Variants in PAX8 observed in about 807,000 individuals in gnomAD.
PAX8 encodes the protein paired box protein Pax-8.
In PAX8, 15 loss-of-function variants were observed where a neutral mutation model predicts 52.4. The ratio of observed to expected loss-of-function variants is 0.29; its 90% confidence interval spans 0.19 to 0.44. The LOEUF is 0.44. PAX8 is among the 20% of genes least tolerant of loss of function. The pLI is 1.00. For missense variants in PAX8, 554 were observed against 602.5 expected (o/e 0.92, Z 0.84); for synonymous variants, 284 against 249.7 (o/e 1.14, Z -1.29).
chr2:113,220,692 C>T (rs558582025), intron 10 of PAX8, among the ~76,000 whole-genome samples: 219 of 152,032 alleles, frequency 1.4e-3, no homozygotes, highest in Middle Eastern at 3.4e-3. Flanking sequence ...CTTTTAGCCT[C>T]GCTAGGTATG....
chr2:113,258,510 T>C (rs1372393905), intron 2 of PAX8, among the ~76,000 whole-genome samples: 2 of 152,122 alleles, frequency 1.3e-5, no homozygotes, highest in Non-Finnish European at 2.9e-5. Context: ...TTCCCTTCTC[T>C]CTCCCTCCCT....
intron 2 of PAX8, chr2:113,275,573 G>C (rs1446245): frequency 6.6e-6 from 1 of 152,012 alleles, no homozygotes; most frequent in Non-Finnish European, 1.5e-5. Flanking sequence ...AACTATTTTC[G>C]GGACTGGTGG....
chr2:113,218,276 C>T lies in PAX8; in HGVS notation c.*257G>A. ...GGCTACATTTCTTCTTCAATTTTGT[C>T]TTTTTCAGCATGGCATGGTTCTCTT... On this transcript the variant is annotated 3_prime_UTR_variant, in exon 12 of 12. Transcript: ENST00000429538. The T allele has an allele frequency of 2.6e-6, 1 of 387,220 alleles. No homozygotes were observed. The highest frequency in any genetic ancestry group is 4.4e-5 in the Admixed American group (1 of 22,594). 24.0% of individuals were successfully genotyped at this position (387,220 alleles called of 1,614,324 possible).
intron 10 of PAX8, among the ~76,000 whole-genome samples, chr2:113,221,084 C>A (rs1021369324): frequency 1.3e-5 from 2 of 152,100 alleles, no homozygotes; most frequent in African/African-American, 4.8e-5. Flanking sequence ...TCAAGACTAC[C>A]CCATGAGGTA....
At chr2:113,249,421 A>G (rs1691589099) in intron 2 of PAX8, among the ~76,000 whole-genome samples, 1 of 152,156 alleles carries the variant, frequency 6.6e-6, no homozygotes, top group Non-Finnish European at 1.5e-5. Context: ...CTCATTTTCC[A>G]GAAGTTTCCG....
intron 2 of PAX8, chr2:113,255,325 G>T (rs1202513285): frequency 7.3e-6 from 1 of 136,950 alleles, no homozygotes; most frequent in Non-Finnish European, 1.6e-5. Flanking sequence ...GAGGAGGGAG[G>T]CAGATCTACA....
At chr2:113,250,369 T>A (rs1691670517) in intron 2 of PAX8, among the ~76,000 whole-genome samples, 1 of 152,218 alleles carries the variant, frequency 6.6e-6, no homozygotes, top group African/African-American at 2.4e-5. Flanking sequence ...ATTTGTAATA[T>A]TCCCATGGTT....
At chr2:113,232,829 TTCCCTC>T (rs1689975021) in intron 9 of PAX8, among the ~76,000 whole-genome samples, 1 of 152,078 alleles carries the variant, frequency 6.6e-6, no homozygotes, top group South Asian at 2.1e-4. Context: ...CCCTACATCC[TTCCCTC>T]TCCTTCAGCT....
chr2:113,246,058 A>G (rs1300480576), intron 3 of PAX8, among the ~76,000 whole-genome samples: 1 of 152,248 alleles, frequency 6.6e-6, no homozygotes, highest in African/African-American at 2.4e-5. Context: ...GCTCAGAAGC[A>G]GGCCTTTGCT....
At chr2:113,278,512 G>A in intron 1 of PAX8, 43 bp from the exon 2 acceptor site, 1 of 1,458,448 alleles carries the variant, frequency 6.9e-7, no homozygotes, top group Non-Finnish European at 9.4e-7. Context: ...GATGAGATTC[G>A]ATGCCTGCAT....
At chr2:113,259,975 C>G (rs958012371) in intron 2 of PAX8, among the ~76,000 whole-genome samples, 2 of 152,194 alleles carry the variant, frequency 1.3e-5, no homozygotes, top group East Asian at 3.9e-4. Context: ...AGCGACTGTA[C>G]AAGTTACTGC....
intron 2 of PAX8, chr2:113,271,077 C>A (rs1287343907): frequency 6.6e-6 from 1 of 152,174 alleles, no homozygotes; most frequent in Non-Finnish European, 1.5e-5. Flanking sequence ...GCTTTTAAGC[C>A]CCTGAGTGAG....
chr2:113,235,675 GGCGGGGC>G (rs1690229754), intron 8 of PAX8, 93 bp from the exon 9 acceptor site: 7 of 1,048,312 alleles, frequency 6.7e-6, no homozygotes, highest in Non-Finnish European at 7.0e-6. Context: ...GGAGGGTGCG[GGCGGGGC>G]GCGGGGCAGG....
rs1693982821 is a variant in PAX8, at chr2:113,278,357, A to G, written c.25+13T>C. The stretch of plus-strand genomic sequence containing the variant: ...GCGGGGGCTCGGGGATCCTGACCAC[A>G]CCGCGTTCTTACCAGATCTGATGGA... On this transcript the variant is annotated intron_variant, in intron 2 of 11. Coordinates refer to ENST00000429538, the MANE Select transcript of PAX8 (RefSeq NM_003466.4). The G allele has an allele frequency of 1.3e-6, 2 of 1,591,088 alleles. No homozygotes were observed. Among genetic ancestry groups the G allele is most frequent in the Non-Finnish European group, 1.7e-6 (2 of 1,161,706 alleles).
Position 113,218,546 on chromosome 2 carries a change from A to C in PAX8, c.1340T>G (p.Phe447Cys). The C allele has an allele frequency of 3.9e-6, 6 of 1,555,070 alleles. No individual in the cohort carries two copies. The highest frequency in any genetic ancestry group is 5.2e-6 in the Non-Finnish European group (6 of 1,148,664). ...TCCCCATGGCAACTACAGATGGTCA[A>C]AGGCCGTGGCAGTGGTGGGCGGTGC... ...PSAPPTTATA[F>C]DHL Residue 447 changes from phenylalanine (F) to cysteine (C), a missense_variant, in exon 12 of 12, where the codon TTT becomes TGT. By Grantham distance (205) the Phe-to-Cys change is radical. This residue lies in a region of PAX8 where 445 missense variants were observed against 409.9 expected (regional missense o/e 1.09). Coordinates refer to ENST00000429538, the MANE Select transcript of PAX8 (RefSeq NM_003466.4).
At chr2:113,260,968 C>G (rs1573521201) in intron 2 of PAX8, among the ~76,000 whole-genome samples, 1 of 151,814 alleles carries the variant, frequency 6.6e-6, no homozygotes, top group East Asian at 1.9e-4. Flanking sequence ...CCTGGCCATC[C>G]TGGGGACCAT....
chr2:113,250,808 C>A (rs11884791), intron 2 of PAX8: 15,698 of 152,242 alleles, frequency 0.1, 1,121 homozygotes, highest in Middle Eastern at 0.2. Context: ...AGACAAGAAT[C>A]CTGGCCTTCA....
In PAX8 at chr2:113,222,906, T is replaced by C. The variant is rs536259269; in HGVS notation, c.1190-2728A>G. ...CTGTCTCATGCCTTTGGGTTTGTGA[T>C]GCCCAGTCTTCTGTTTGCTTTGTAA... On this transcript the variant is annotated intron_variant, in intron 10 of 11. Transcript: ENST00000429538. Among the ~76,000 whole-genome samples, 286 of 152,072 alleles carry C rather than the reference T, an allele frequency of 1.9e-3. No individual in the cohort carries two copies. The Middle Eastern group carries it at 0.024, about 13-fold the overall frequency.
chr2:113,234,559 C>T (rs1390608519), intron 9 of PAX8, among the ~76,000 whole-genome samples: 2 of 152,142 alleles, frequency 1.3e-5, no homozygotes, highest in Admixed American at 1.3e-4. Flanking sequence ...CTTGCTCTGT[C>T]ACCCAGGCTG....
Sources: gnomAD v4.1 joint callset for allele counts (sites outside exome capture counted in the v4.1 genomes callset) on GRCh38, gnomAD v4.1.1 for gene constraint, gnomAD v4.1.1 regional missense constraint, MANE v1.5 for transcripts, NCBI Gene and HGNC (gene_info 2026-07-23, HGNC 2026-07-21) for gene names.